The following RPA3 variants were observed in gnomAD, a reference collection of about 807,000 sequenced individuals.
RPA3 encodes replication protein A3, also known as replication protein A 14 kDa subunit.
A neutral mutation model predicts 13.7 loss-of-function variants in RPA3; 24 were observed. The observed-to-expected ratio is 1.75, with a 90% CI of 1.27 to 2.46. RPA3 has a LOEUF of 2.46. Ranked by LOEUF, RPA3 falls within the 30% of genes most tolerant of loss-of-function variation. RPA3 has a pLI of 0.00. For synonymous variants in RPA3, 59 were observed against 51.2 expected (o/e 1.15, Z -0.65); for missense variants, 183 against 151.0 (o/e 1.21, Z -1.11).
At chr7:7,668,432 A>G (rs1205133125) in intron 4 of RPA3, among the ~76,000 whole-genome samples, 1 of 152,186 alleles carries the variant, frequency 6.6e-6, no homozygotes, top group Non-Finnish European at 1.5e-5. Flanking sequence ...ATATTCACAT[A>G]ACTTTTATTA....
At chr7:7,657,432 T>C (rs541524471) in intron 4 of RPA3, among the ~76,000 whole-genome samples, 1 of 152,360 alleles carries the variant, frequency 6.6e-6, no homozygotes, top group South Asian at 2.1e-4. Flanking sequence ...CTTCTAGGGT[T>C]TTTATGATTT....
chr7:7,664,916 A>G lies in RPA3; in HGVS notation c.-758+20914T>C, dbSNP rs550597317. Among the ~76,000 whole-genome samples, 4 of 152,316 alleles carry G rather than the reference A, an allele frequency of 2.6e-5. 1 individual carries two copies. Among genetic ancestry groups the G allele is most frequent in the African/African-American group, 9.6e-5 (4 of 41,574 alleles). On this transcript the variant is annotated intron_variant, in intron 4 of 7. Transcript: ENST00000223129. Reference sequence around the variant, plus strand: ...TCACTGTACAAAAGGAGGAAGGTTAAACATCGTTCAGGATTTTAATTTTTC... The same window carrying G: ...TCACTGTACAAAAGGAGGAAGGTTAGACATCGTTCAGGATTTTAATTTTTC...
At chr7:7,696,814 G>A (rs1329433716) in intron 2 of RPA3, among the ~76,000 whole-genome samples, 2 of 152,058 alleles carry the variant, frequency 1.3e-5, no homozygotes, top group Non-Finnish European at 2.9e-5. Context: ...CTAACATGTA[G>A]ATGTTCTCTC....
intron 6 of RPA3, 69 bp from the exon 7 acceptor site, chr7:7,638,041 GT>G: frequency 2.7e-6 from 3 of 1,104,428 alleles, no homozygotes; most frequent in Non-Finnish European, 2.7e-6. Flanking sequence ...TTGGAAAACT[GT>G]TATACAGGTT....
intron 2 of RPA3, among the ~76,000 whole-genome samples, chr7:7,712,865 T>G (rs990804608): frequency 2.0e-5 from 3 of 152,168 alleles, no homozygotes; most frequent in African/African-American, 7.2e-5. Flanking sequence ...ATAATAGGCA[T>G]AGAGTGTTGT....
At chr7:7,648,165 C>T (rs929515285) in intron 4 of RPA3, among the ~76,000 whole-genome samples, 11 of 152,282 alleles carry the variant, frequency 7.2e-5, no homozygotes, top group African/African-American at 2.2e-4. Context: ...GAAGTCATTT[C>T]GTTCTAAATC....
Position 7,640,105 on chromosome 7 carries a change from C to G in RPA3, c.99+215G>C, listed in dbSNP as rs977004209. ...AGGCGACGGGCACTGGAATTTAGAA[C>G]TCAGCATTTGAAAACACTTTGTTTC... On this transcript the variant is annotated intron_variant, in intron 5 of 7. Coordinates refer to ENST00000223129, the MANE Select transcript of RPA3 (RefSeq NM_002947.5). 8.7e-6 allele frequency: 5 copies of G among 575,960 alleles called. No homozygotes were observed. The African/African-American group carries it at 9.4e-5, about 11-fold the overall frequency. The allele number at this position is 575,960 out of a possible 1,614,324, so 35.7% of individuals were successfully genotyped here. A position where few individuals can be genotyped will look rare whatever the true frequency, so the allele number is the denominator to read the frequency against.
At chr7:7,643,314 A>C (rs562731423) in intron 4 of RPA3, among the ~76,000 whole-genome samples, 1 of 152,326 alleles carries the variant, frequency 6.6e-6, no homozygotes, top group Non-Finnish European at 1.5e-5. Context: ...ATGGGCGTGC[A>C]TGTAACTCCC....
rs28912702 is a variant in RPA3 at position 7,705,462 on chromosome 7, C to T, written c.-1028+9713G>A. 1.4e-3 allele frequency among the ~76,000 whole-genome samples: 214 copies of T among 152,304 alleles called. 3 individuals are homozygous for T. The East Asian group carries it at 0.03, about 21-fold the overall frequency. Reference sequence around the variant, plus strand: ...AATGTAATTGGTTTGGGTCACTGCTCTGTACAGCCTGCACCCAGTGTTTAT... The same window carrying T: ...AATGTAATTGGTTTGGGTCACTGCTTTGTACAGCCTGCACCCAGTGTTTAT... On this transcript the variant is annotated intron_variant, in intron 2 of 7. Transcript: ENST00000223129.
At chr7:7,682,645 C>G (rs1318339032) in intron 4 of RPA3, among the ~76,000 whole-genome samples, 2 of 152,082 alleles carry the variant, frequency 1.3e-5, no homozygotes, top group African/African-American at 4.8e-5. Flanking sequence ...TTTTTATTGC[C>G]TGTTCTTACA....
chr7:7,659,633 C>G (rs759146428), intron 4 of RPA3, among the ~76,000 whole-genome samples: 5 of 152,218 alleles, frequency 3.3e-5, no homozygotes, highest in Non-Finnish European at 7.3e-5. Context: ...GTTTCTTAAT[C>G]CTGTGCTCTC....
intron 4 of RPA3, among the ~76,000 whole-genome samples, chr7:7,660,772 A>T (rs1481746136): frequency 1.5e-5 from 2 of 134,876 alleles, no homozygotes; most frequent in African/African-American, 5.0e-5. Context: ...TCTGGCAATT[A>T]TGTGTCTTGA....
At chr7:7,646,308 C>G (rs113936456) in intron 4 of RPA3, among the ~76,000 whole-genome samples, 1 of 19,642 alleles carries the variant, frequency 5.1e-5, no homozygotes, top group Admixed American at 6.3e-4. Flanking sequence ...TTTGGCTGTG[C>G]CCCACTCAAA....
intron 4 of RPA3, among the ~76,000 whole-genome samples, chr7:7,655,706 A>G (rs1350233682): frequency 2.0e-5 from 3 of 152,238 alleles, no homozygotes; most frequent in Non-Finnish European, 2.9e-5. Flanking sequence ...CATTACATTT[A>G]GGGGACGAAT....
rs572913986 is a variant in RPA3, at chr7:7,711,956, A to AT, written c.-1028+3218dup. Among the ~76,000 whole-genome samples the AT allele has an allele frequency of 2.0e-5, 3 of 151,318 alleles. No individual in the cohort carries two copies. In the South Asian group the frequency reaches 6.3e-4, roughly 32 times the overall value. On this transcript the variant is annotated intron_variant, in intron 2 of 7. Coordinates refer to ENST00000223129, the MANE Select transcript of RPA3 (RefSeq NM_002947.5). ...AGTGTGGTATAGCGATCCGATTTTAATTTTTTTTTGTAGGGATAACCTATT... is the reference window on the plus strand; with the variant it reads ...AGTGTGGTATAGCGATCCGATTTTAATTTTTTTTTTGTAGGGATAACCTATT...
chr7:7,706,551 A>G (rs966827734), intron 2 of RPA3, among the ~76,000 whole-genome samples: 1 of 152,220 alleles, frequency 6.6e-6, no homozygotes, highest in African/African-American at 2.4e-5. Flanking sequence ...ATCATTTTTT[A>G]AAATTGGAAA....
intron 2 of RPA3, among the ~76,000 whole-genome samples, chr7:7,693,302 T>TCTATCTATCTAC (rs1182563546): frequency 6.8e-6 from 1 of 146,190 alleles, no homozygotes; most frequent in Non-Finnish European, 1.5e-5. Context: ...TCTTTATCTA[T>TCTATCTATCTAC]CTATCTATCT....
At chr7:7,667,321 A>G (rs1378296056) in intron 4 of RPA3, among the ~76,000 whole-genome samples, 1 of 152,218 alleles carries the variant, frequency 6.6e-6, no homozygotes, top group Admixed American at 6.5e-5. Flanking sequence ...ACTACAGAGA[A>G]GGAAATGAGA....
intron 1 of RPA3, among the ~76,000 whole-genome samples, chr7:7,716,621 G>A (rs1780910489): frequency 6.6e-6 from 1 of 152,210 alleles, no homozygotes; most frequent in African/African-American, 2.4e-5. Flanking sequence ...TGGCCAGGTA[G>A]CAAACCCATC....
Sources: allele counts gnomAD v4.1 joint callset (sites outside exome capture counted in the v4.1 genomes callset), GRCh38; gene constraint gnomAD v4.1.1; transcripts MANE v1.5; gene names NCBI Gene and HGNC (gene_info 2026-07-23, HGNC 2026-07-21).